Variants in MYLK observed in about 807,000 individuals in gnomAD.
MYLK encodes myosin light chain kinase, smooth muscle.
A neutral mutation model predicts 203.4 loss-of-function variants in MYLK; 106 were observed. The ratio of observed to expected loss-of-function variants is 0.52; its 90% confidence interval spans 0.45 to 0.61. MYLK has a LOEUF of 0.61. Ranked by LOEUF, MYLK falls within the 20% of genes least tolerant of loss-of-function variation. The probability of loss-of-function intolerance (pLI) is 0.00; values close to 1 mark genes in which losing one functional copy is unlikely to be tolerated. For missense variants in MYLK, 2,072 were observed against 2,442.3 expected, an observed-to-expected ratio of 0.85 and a Z score of 3.20; for synonymous variants, 867 against 959.5, an observed-to-expected ratio of 0.90 and a Z score of 1.78.
intron 2 of MYLK, among the ~76,000 whole-genome samples, chr3:123,872,261 T>C (rs1195928128): frequency 2.6e-5 from 4 of 152,164 alleles, no homozygotes; most frequent in East Asian, 3.9e-4. Context: ...AAGCCTAAAA[T>C]ATTTGTTATC....
chr3:123,733,823 G>C lies in MYLK; in HGVS notation c.1173C>G (p.Ser391Arg), dbSNP rs375747284. Reference protein sequence around the residue: ...TFPTRQPGLGSQDVVSKAANR... With the variant: ...TFPTRQPGLGRQDVVSKAANR... ...TAGCAGCCTTGCTCACAACATCTTG[G>C]CTCCCCAGGCCAGGCTGCCTGGTGG... Residue 391 changes from serine to arginine, a missense_variant, in exon 10 of 34, where the codon AGC (serine) becomes AGG (arginine). Ser to Arg is a moderately radical substitution (Grantham distance 110). Transcript: ENST00000360304. The C allele has an allele frequency of 1.2e-5, 20 of 1,614,072 alleles. No individual in the cohort carries two copies. Among genetic ancestry groups the C allele is most frequent in the African/African-American group, 2.7e-5 (2 of 74,932 alleles).
chr3:123,838,513 T>G (rs2682202), intron 2 of MYLK, among the ~76,000 whole-genome samples: 2 of 152,226 alleles, frequency 1.3e-5, no homozygotes, highest in South Asian at 4.1e-4. Context: ...AGACATTTTT[T>G]AAAATGTTTA....
chr3:123,701,425 T>TG lies in MYLK; in HGVS notation c.2462+12dup. On this transcript the variant is annotated intron_variant, in intron 17 of 33. Transcript: ENST00000360304. The stretch of plus-strand genomic sequence containing the variant: ...GGGCATGGCCTGGAGGGGCAGCTCC[T>TG]GGGGGCACTCACCGTGGAAGGGCTC... 2 of 1,613,788 alleles carry TG rather than the reference T, an allele frequency of 1.2e-6. No individual in the cohort carries two copies. The highest frequency in any genetic ancestry group is 1.7e-6 in the Non-Finnish European group (2 of 1,179,860).
chr3:123,737,625 T>C, intron 7 of MYLK, 82 bp from the exon 8 acceptor site: 1 of 1,565,558 alleles, frequency 6.4e-7, no homozygotes, highest in East Asian at 2.2e-5. Flanking sequence ...CCAATCCTAG[T>C]GGGATAGACT....
At chr3:123,732,824 T>G in intron 11 of MYLK, 72 bp downstream of exon 11, 1 of 1,455,628 alleles carries the variant, frequency 6.9e-7, no homozygotes, top group Admixed American at 1.7e-5. Context: ...ATGAACCATC[T>G]GCAGAAGGTG....
At chr3:123,825,374 C>G (rs1323335219) in intron 3 of MYLK, among the ~76,000 whole-genome samples, 1 of 152,106 alleles carries the variant, frequency 6.6e-6, no homozygotes, top group Non-Finnish European at 1.5e-5. Context: ...TCTCCCCTGC[C>G]AAGATTGTCT....
At chr3:123,750,730 G>T (rs746564321) in intron 5 of MYLK, among the ~76,000 whole-genome samples, 3 of 152,138 alleles carry the variant, frequency 2.0e-5, no homozygotes, top group Non-Finnish European at 2.9e-5. Context: ...TTATTTGTAG[G>T]CATCAACACA....
At position 123,640,381 on chromosome 3, in the gene MYLK, G is replaced by A. The variant is rs371814184; in HGVS notation, c.4743C>T (p.Ile1581=). 101 of 1,613,798 alleles carry A rather than the reference G, an allele frequency of 6.3e-5. 1 individual carries two copies. Among genetic ancestry groups the A allele is most frequent in the Middle Eastern group, 3.3e-4 (2 of 6,084 alleles). The part of the protein sequence containing the change: ...EGVEYIHKQG[I]VHLDLKPENI... ...TCTCCGGCTTGAGGTCCAGGTGCACGATGCCCTGCTTGTGGATGTACTCCA... is the reference window on the plus strand; with the variant it reads ...TCTCCGGCTTGAGGTCCAGGTGCACAATGCCCTGCTTGTGGATGTACTCCA... The change falls in exon 28 of 34, where the codon ATC becomes ATT. Residue 1581 remains isoleucine, a synonymous_variant. Coordinates refer to ENST00000360304, the MANE Select transcript of MYLK (RefSeq NM_053025.4). The surrounding 1 kb of genome is among the most constrained non-coding windows in gnomAD (Gnocchi z 4.3).
chr3:123,675,184 T>C (rs1433478585), intron 20 of MYLK, among the ~76,000 whole-genome samples: 2 of 152,264 alleles, frequency 1.3e-5, no homozygotes, highest in Admixed American at 1.3e-4. Flanking sequence ...GGATCAAAGC[T>C]GCCAGGTGCT....
intron 31 of MYLK, chr3:123,623,781 C>T (rs965318309): frequency 2.6e-5 from 4 of 152,130 alleles, no homozygotes; most frequent in Admixed American, 2.0e-4. Context: ...ATGCAGAAAA[C>T]GTTTTCCTGA....
chr3:123,647,456 G>C (rs762600401), intron 26 of MYLK, 29 bp from the exon 27 acceptor site: 6 of 1,605,874 alleles, frequency 3.7e-6, no homozygotes, highest in South Asian at 1.1e-5. Flanking sequence ...GGAGAGAAAA[G>C]CCACATTTAG....
At chr3:123,828,516 A>G (rs1449043691) in intron 3 of MYLK, among the ~76,000 whole-genome samples, 2 of 152,190 alleles carry the variant, frequency 1.3e-5, no homozygotes, top group African/African-American at 4.8e-5. Context: ...AAGAAAACAT[A>G]AGGAAAATGC....
At chr3:123,714,862 T>A (rs1684923794) in intron 13 of MYLK, among the ~76,000 whole-genome samples, 1 of 152,084 alleles carries the variant, frequency 6.6e-6, no homozygotes, top group South Asian at 2.1e-4. Flanking sequence ...TGTCGTCCAA[T>A]GGGAAAGACA....
At chr3:123,682,636 C>G (rs1316619207) in intron 19 of MYLK, among the ~76,000 whole-genome samples, 1 of 152,214 alleles carries the variant, frequency 6.6e-6, no homozygotes, top group African/African-American at 2.4e-5. Flanking sequence ...TGCTCACCTT[C>G]CCTGGCTTTC....
chr3:123,645,330 C>T (rs2058977543), intron 27 of MYLK, among the ~76,000 whole-genome samples: 1 of 152,204 alleles, frequency 6.6e-6, no homozygotes, highest in Admixed American at 6.5e-5. Flanking sequence ...CTCGGAACTA[C>T]TATTGCCTTT....
chr3:123,677,663 A>G (rs907828362), intron 20 of MYLK, among the ~76,000 whole-genome samples: 1 of 151,984 alleles, frequency 6.6e-6, no homozygotes, highest in African/African-American at 2.4e-5. Context: ...AAAGATAGCC[A>G]CAAAGAACAT....
At chr3:123,869,676 G>T (rs1318297325) in intron 2 of MYLK, among the ~76,000 whole-genome samples, 1 of 152,180 alleles carries the variant, frequency 6.6e-6, no homozygotes, top group Non-Finnish European at 1.5e-5. Flanking sequence ...ACCTCTGTCA[G>T]CCCAGGAGAG....
chr3:123,632,441 C>T (rs1254397), intron 29 of MYLK, among the ~76,000 whole-genome samples: 34,948 of 152,156 alleles, frequency 0.23, 7,510 homozygotes, highest in East Asian at 0.59. Flanking sequence ...GCAAACCTCC[C>T]TTCCTTATTA....
rs2062118666 is a variant in MYLK at position 123,722,283 on chromosome 3, G to A, written c.1652-3C>T. 2 of 1,565,546 alleles carry A rather than the reference G, an allele frequency of 1.3e-6. No individual in the cohort carries two copies. Among genetic ancestry groups the A allele is most frequent in the Non-Finnish European group, 1.7e-6 (2 of 1,154,596 alleles). Reference sequence around the variant, plus strand: ...GCGAGCGTACTGGATGGGCTGCCCTGTGGAGGAAGCACAGGAAGGCTCAGG... The same window carrying A: ...GCGAGCGTACTGGATGGGCTGCCCTATGGAGGAAGCACAGGAAGGCTCAGG... On this transcript the variant is annotated splice_region_variant and splice_polypyrimidine_tract_variant and intron_variant, in intron 12 of 33. Transcript: ENST00000360304.
Sources: gnomAD v4.1 joint callset for allele counts (sites outside exome capture counted in the v4.1 genomes callset) on GRCh38, gnomAD v4.1.1 for gene constraint, Gnocchi (gnomAD v3.1) non-coding constraint, MANE v1.5 for transcripts, NCBI Gene and HGNC (gene_info 2026-07-23, HGNC 2026-07-21) for gene names.